COL4A4: variants seen among roughly 807,000 people sequenced by gnomAD.
COL4A4 encodes collagen alpha-4(IV) chain.
COL4A4 carries 105 observed loss-of-function variants against 192.9 expected under a neutral mutation model. That is an observed-to-expected ratio of 0.54 (90% CI 0.46 to 0.64). The LOEUF is 0.64. Ranked by LOEUF, COL4A4 falls within the 30% of genes least tolerant of loss-of-function variation. COL4A4 has a pLI of 0.00. For missense variants in COL4A4, 1,967 were observed against 2,169.3 expected (o/e 0.91, Z 1.85); for synonymous variants, 762 against 769.9 (o/e 0.99, Z 0.17).
chr2:226,996,821 T>C, the COL4A4 span: 1 of 152,182 alleles, frequency 6.6e-6, no homozygotes, highest in Admixed American at 6.5e-5. Context: ...GAAAACATAT[T>C]TAATAACATA....
intron 41 of COL4A4, among the ~76,000 whole-genome samples, chr2:227,028,343 A>G (rs1029386178): frequency 3.9e-5 from 6 of 152,230 alleles, no homozygotes; most frequent in Non-Finnish European, 8.8e-5. Flanking sequence ...ATATCCGGGA[A>G]CAACGTGCCT....
chr2:227,154,662 TG>T (rs2064197650), intron 1 of COL4A4, among the ~76,000 whole-genome samples: 2 of 152,242 alleles, frequency 1.3e-5, no homozygotes. Context: ...TTTTTGTGAT[TG>T]CTTGAACACC....
At chr2:226,974,245 A>ATTTTATTTTT in the COL4A4 span, among the ~76,000 whole-genome samples, 3 of 151,028 alleles carry the variant, frequency 2.0e-5, no homozygotes, top group South Asian at 2.1e-4. Context: ...ATTTTATTTT[A>ATTTTATTTTT]TTTTATTTTT....
intron 37 of COL4A4, among the ~76,000 whole-genome samples, chr2:227,036,378 A>G (rs1969677117): frequency 6.6e-6 from 1 of 152,140 alleles, no homozygotes; most frequent in Non-Finnish European, 1.5e-5. Flanking sequence ...CTTTTAACAC[A>G]TAGGGTGACC....
rs553896262 is a variant in COL4A4, at chr2:227,153,929, T to G, written c.-101-6345A>C. ...GTCAATTTACTTGAGCAAACTGACCTCTGCAGCCCAGTTGGACAGAAGGCA... is the reference window on the plus strand; with the variant it reads ...GTCAATTTACTTGAGCAAACTGACCGCTGCAGCCCAGTTGGACAGAAGGCA... On this transcript the variant is annotated intron_variant, in intron 1 of 47. Transcript: ENST00000396625. Among the ~76,000 whole-genome samples, 7 of 152,262 alleles carry G rather than the reference T, an allele frequency of 4.6e-5. No homozygotes were observed. In the East Asian group the frequency reaches 1.4e-3, roughly 29 times the overall value.
chr2:227,124,357 C>T (rs1357781799), intron 4 of COL4A4, among the ~76,000 whole-genome samples: 1 of 152,178 alleles, frequency 6.6e-6, no homozygotes, highest in Non-Finnish European at 1.5e-5. Flanking sequence ...TACATCTTAC[C>T]ATCAGCAGAA....
the COL4A4 span, among the ~76,000 whole-genome samples, chr2:226,986,838 C>T: frequency 2.6e-5 from 4 of 152,162 alleles, no homozygotes; most frequent in Non-Finnish European, 5.9e-5. Flanking sequence ...GGTATATACC[C>T]AAAGGACTAT....
intron 13 of COL4A4, among the ~76,000 whole-genome samples, chr2:227,103,516 A>G (rs2060642392): frequency 6.6e-6 from 1 of 152,242 alleles, no homozygotes; most frequent in Admixed American, 6.5e-5. Flanking sequence ...AAAAGCAACA[A>G]TAGAATCTTC....
chr2:226,981,592 T>C, the COL4A4 span, among the ~76,000 whole-genome samples: 1 of 147,816 alleles, frequency 6.8e-6, no homozygotes, highest in Non-Finnish European at 1.5e-5. Flanking sequence ...ACACACTTTC[T>C]CTAATGGGGA....
the COL4A4 span, among the ~76,000 whole-genome samples, chr2:226,980,877 T>A: frequency 6.6e-6 from 1 of 152,198 alleles, no homozygotes; most frequent in Non-Finnish European, 1.5e-5. Context: ...TTATAAATAA[T>A]TAATGTCTAT....
At chr2:227,026,677 C>T (rs1329189046) in intron 42 of COL4A4, among the ~76,000 whole-genome samples, 1 of 152,140 alleles carries the variant, frequency 6.6e-6, no homozygotes, top group Non-Finnish European at 1.5e-5. Context: ...AAAGATATTA[C>T]TTCTGCCCAT....
In COL4A4 at chr2:227,103,151, CCT is replaced by C; in HGVS notation, c.861_862del (p.Gly288ThrfsTer141). 6.2e-7 allele frequency: 1 copy of C among 1,611,094 alleles called. No individual in the cohort carries two copies. Among genetic ancestry groups the C allele is most frequent in the Non-Finnish European group, 8.5e-7 (1 of 1,178,866 alleles). The stretch of plus-strand genomic sequence containing the variant: ...GGTACTTAAATAAACTACCTTGCGT[CCT>C]GGTGGTCCTGGCAGTCCAACCATTC... On this transcript the variant is annotated frameshift_variant, in exon 14 of 48. Coordinates refer to ENST00000396625, the MANE Select transcript of COL4A4 (RefSeq NM_000092.5). LOFTEE classifies it high-confidence loss of function.
chr2:227,045,801 C>CAT lies in COL4A4; in HGVS notation c.3289+1672_3289+1673dup, dbSNP rs771258452. Among the ~76,000 whole-genome samples the CAT allele has an allele frequency of 5.5e-3, 286 of 51,630 alleles. 63 individuals carry two copies. The highest frequency in any genetic ancestry group is 0.027 in the Middle Eastern group (3 of 112). 33.9% of individuals were successfully genotyped at this position (51,630 alleles called of 152,430 possible). A position where few individuals can be genotyped will look rare whatever the true frequency, so the allele number is the denominator to read the frequency against. On this transcript the variant is annotated intron_variant, in intron 35 of 47. Coordinates refer to ENST00000396625, the MANE Select transcript of COL4A4 (RefSeq NM_000092.5). ...AAAAATACATATATATATATATACA[C>CAT]ATATATATATATATACACATATATA...
the COL4A4 span, among the ~76,000 whole-genome samples, chr2:226,983,014 T>C: frequency 7.9e-5 from 12 of 152,234 alleles, no homozygotes; most frequent in Admixed American, 7.9e-4. Context: ...CTACCAGTCT[T>C]TGACTCATAG....
chr2:227,147,369 GA>G, intron 2 of COL4A4, 43 bp downstream of exon 2: 1 of 1,546,320 alleles, frequency 6.5e-7, no homozygotes, highest in Non-Finnish European at 8.9e-7. Flanking sequence ...ACATTGAGTA[GA>G]AATTACTAAA....
intron 1 of COL4A4, among the ~76,000 whole-genome samples, chr2:227,156,048 T>G (rs375684088): frequency 1.5e-5 from 2 of 130,534 alleles, no homozygotes; most frequent in East Asian, 2.4e-4. Flanking sequence ...CCTTCCTTTC[T>G]AATCTGCCAT....
intron 26 of COL4A4, among the ~76,000 whole-genome samples, 182 bp downstream of exon 26, chr2:227,062,348 C>A (rs1294859665): frequency 6.6e-6 from 1 of 152,094 alleles, no homozygotes; most frequent in Admixed American, 6.6e-5. Flanking sequence ...TGTTCTCAAA[C>A]CAGCAGACTA....
intron 2 of COL4A4, 135 bp from the exon 3 acceptor site, chr2:227,144,693 A>G: frequency 1.5e-6 from 1 of 687,636 alleles, no homozygotes; most frequent in Non-Finnish European, 2.6e-6. Context: ...CCGACTTGTC[A>G]TCAGTGACAA....
At position 227,058,272 on chromosome 2, in the gene COL4A4, A is replaced by ATG. The variant is rs144485923; in HGVS notation, c.2384-674_2384-673dup. 4.4e-3 allele frequency among the ~76,000 whole-genome samples: 667 copies of ATG among 151,488 alleles called. 3 individuals carry two copies. Among genetic ancestry groups the ATG allele is most frequent in the African/African-American group, 0.015 (627 of 41,338 alleles). ...CCTTTGAGAGATAGAGTGTGTGTGTATGTGTGTGTGTGTGTCTGTCTTTGT... is the reference window on the plus strand; with the variant it reads ...CCTTTGAGAGATAGAGTGTGTGTGTATGTGTGTGTGTGTGTGTCTGTCTTTGT... On this transcript the variant is annotated intron_variant, in intron 28 of 47. Coordinates refer to ENST00000396625, the MANE Select transcript of COL4A4 (RefSeq NM_000092.5).
Sources: gnomAD v4.1 joint callset for allele counts (sites outside exome capture counted in the v4.1 genomes callset) on GRCh38, gnomAD v4.1.1 for gene constraint, MANE v1.5 for transcripts, NCBI Gene and HGNC (gene_info 2026-07-23, HGNC 2026-07-21) for gene names.